ACTN2: variants seen among roughly 807,000 people sequenced by gnomAD.
The protein encoded by ACTN2 is alpha-actinin-2.
In ACTN2, 39 loss-of-function variants were observed where a neutral mutation model predicts 113.8. That is an observed-to-expected ratio of 0.34 (90% CI 0.27 to 0.45). The LOEUF is 0.45. Ranked by LOEUF, ACTN2 falls within the 20% of genes least tolerant of loss-of-function variation. ACTN2 has a pLI of 1.00. For synonymous variants in ACTN2, 429 were observed against 444.1 expected, an observed-to-expected ratio of 0.97 and a Z score of 0.43; for missense variants, 992 against 1,177.9, an observed-to-expected ratio of 0.84 and a Z score of 2.31.
chr1:236,697,514 C>G (rs2102865880), intron 1 of ACTN2, among the ~76,000 whole-genome samples: 1 of 152,292 alleles, frequency 6.6e-6, no homozygotes, highest in Middle Eastern at 3.4e-3. Context: ...CTAGAGGAAG[C>G]AATGTTGGGA....
intron 1 of ACTN2, among the ~76,000 whole-genome samples, chr1:236,700,565 T>C (rs1251169260): frequency 6.6e-6 from 1 of 152,134 alleles, no homozygotes; most frequent in Non-Finnish European, 1.5e-5. Flanking sequence ...CTGACCCTCA[T>C]CCCTATCAGG....
chr1:236,696,165 G>C (rs1322777901), intron 1 of ACTN2, among the ~76,000 whole-genome samples: 1 of 151,972 alleles, frequency 6.6e-6, no homozygotes, highest in African/African-American at 2.4e-5. Context: ...AAATTAGCCA[G>C]GTGTGGTGGT....
At chr1:236,755,286 C>A in intron 17 of ACTN2, 88 bp downstream of exon 17, 1 of 1,487,476 alleles carries the variant, frequency 6.7e-7, no homozygotes, top group Non-Finnish European at 9.4e-7. Context: ...ACTTGTCTTT[C>A]TTTGTTCCTG....
At chr1:236,759,667 T>C (rs1392818042) in intron 18 of ACTN2, 57 bp from the exon 19 acceptor site, 2 of 1,440,562 alleles carry the variant, frequency 1.4e-6, no homozygotes, top group Non-Finnish European at 2.0e-6. Context: ...GTTGGTCAAG[T>C]AGAGTTGCTC....
At chr1:236,728,617 G>GA (rs1658628395) in intron 6 of ACTN2, among the ~76,000 whole-genome samples, 1 of 134,336 alleles carries the variant, frequency 7.4e-6, no homozygotes, top group Non-Finnish European at 1.6e-5. Context: ...TGGGGCAGGC[G>GA]TTTTTTTTTA....
At chr1:236,725,873 G>T (rs1050312393) in intron 4 of ACTN2, 60 bp from the exon 5 acceptor site, 3 of 1,487,962 alleles carry the variant, frequency 2.0e-6, no homozygotes, top group African/African-American at 2.8e-5. Flanking sequence ...AAAGTGACTA[G>T]GAGCTAAGTG....
At chr1:236,742,710 T>C (rs1659108967) in intron 10 of ACTN2, among the ~76,000 whole-genome samples, 186 bp from the exon 11 acceptor site, 1 of 152,186 alleles carries the variant, frequency 6.6e-6, no homozygotes, top group African/African-American at 2.4e-5. Flanking sequence ...CAGTGAATTG[T>C]AATTAAGACA....
chr1:236,761,101 G>A lies in ACTN2; in HGVS notation c.2454G>A (p.Met818Ile), dbSNP rs1659693653. The A allele has an allele frequency of 6.8e-6, 11 of 1,614,112 alleles. No individual in the cohort carries two copies. The highest frequency in any genetic ancestry group is 9.3e-6 in the Non-Finnish European group (11 of 1,180,014). The change falls in exon 20 of 21, where the codon ATG (methionine) becomes ATA (isoleucine). Residue 818 changes from methionine (M) to isoleucine (I), a missense_variant. Physicochemically the swap from Met to Ile is conservative, Grantham distance 10 (BLOSUM62 1). Coordinates refer to ENST00000366578, the MANE Select transcript of ACTN2 (RefSeq NM_001103.4). ...TVTFQSFIDF[M>I]TRETADTDTA... is the part of the protein sequence containing the mutation. ...CCTTCCAATCCTTCATCGACTTCAT[G>A]ACTAGAGAGACGGCTGACACCGACA...
chr1:236,741,895 A>G (rs527504638), intron 10 of ACTN2, among the ~76,000 whole-genome samples: 2 of 152,140 alleles, frequency 1.3e-5, no homozygotes, highest in Non-Finnish European at 2.9e-5. Context: ...ATCCTGGCCT[A>G]TAAGGGCCTG....
intron 1 of ACTN2, among the ~76,000 whole-genome samples, chr1:236,695,414 G>GAA (rs58669150): frequency 4.9e-5 from 5 of 102,950 alleles, no homozygotes; most frequent in East Asian, 2.7e-4. Context: ...TGCTGTGTCT[G>GAA]AAAAAAAAAA....
At chr1:236,697,224 G>A (rs762604722) in intron 1 of ACTN2, among the ~76,000 whole-genome samples, 3 of 152,160 alleles carry the variant, frequency 2.0e-5, no homozygotes, top group Non-Finnish European at 4.4e-5. Flanking sequence ...TACTCAGGAG[G>A]CTGAGGCAGG....
In ACTN2 at chr1:236,735,626, C is replaced by T. The variant is rs1658847567; in HGVS notation, c.698-9C>T. On this transcript the variant is annotated splice_polypyrimidine_tract_variant and intron_variant, in intron 7 of 20. Transcript: ENST00000366578. ...TGCGCGCGTCCTGTGTTATTTTCTC[C>T]CCCTTCAGACATCGTGAACACCCCT... is the stretch of plus-strand genomic sequence containing the variant. The T allele has an allele frequency of 1.9e-6, 3 of 1,613,166 alleles. No individual in the cohort carries two copies. In the East Asian group the frequency reaches 6.7e-5, roughly 36 times the overall value.
intron 7 of ACTN2, chr1:236,734,355 A>T: frequency 9.8e-7 from 1 of 1,016,618 alleles, no homozygotes; most frequent in Non-Finnish European, 1.4e-6. Flanking sequence ...CCTGATTCCA[A>T]CACCTCTGAG....
Position 236,717,867 on chromosome 1 carries a change from G to A in ACTN2, c.136G>A (p.Ala46Thr). ...WEKQQRKTFT[A>T]WCNSHLRKAG... is the part of the protein sequence containing the mutation. ...TTGGTTTTCTTTGCAGACCTTCACTGCCTGGTGTAACTCCCACCTAAGGAA... is the reference window on the plus strand; with the variant it reads ...TTGGTTTTCTTTGCAGACCTTCACTACCTGGTGTAACTCCCACCTAAGGAA... Residue 46 changes from alanine to threonine, a missense_variant, in exon 2 of 21, where the codon GCC becomes ACC. Coordinates refer to ENST00000366578, the MANE Select transcript of ACTN2 (RefSeq NM_001103.4). 6.2e-7 allele frequency: 1 copy of A among 1,613,644 alleles called. No individual in the cohort carries two copies. The highest frequency in any genetic ancestry group is 8.5e-7 in the Non-Finnish European group (1 of 1,179,622).
intron 1 of ACTN2, among the ~76,000 whole-genome samples, chr1:236,698,549 CTG>C (rs1425830286): frequency 6.6e-6 from 1 of 152,132 alleles, no homozygotes; most frequent in Non-Finnish European, 1.5e-5. Flanking sequence ...GTTTTATAGA[CTG>C]TAATATTTCC....
chr1:236,753,861 A>T, intron 15 of ACTN2, 86 bp from the exon 16 acceptor site: 5 of 444,446 alleles, frequency 1.1e-5, no homozygotes, highest in Non-Finnish European at 2.0e-5. Flanking sequence ...TCCCACCCCC[A>T]CCCCTTGGAC....
intron 4 of ACTN2, among the ~76,000 whole-genome samples, chr1:236,725,120 A>G (rs1202374288): frequency 6.6e-6 from 1 of 152,200 alleles, no homozygotes; most frequent in Non-Finnish European, 1.5e-5. Context: ...TTAAGTGAAT[A>G]CAAAGGATCC....
In ACTN2 at chr1:236,744,642, G is replaced by T; in HGVS notation, c.1272G>T (p.Leu424Phe). 1 of 1,614,214 alleles carries T rather than the reference G, an allele frequency of 6.2e-7. No individual in the cohort carries two copies. The highest frequency in any genetic ancestry group is 8.5e-7 in the Non-Finnish European group (1 of 1,180,040). The stretch of plus-strand genomic sequence containing the variant: ...CCTTTGCAGGCAAAGAGCAGATCTT[G>T]CTGCAGAAGGATTACGAGTCGGCGT... ...ETWAYGKEQI[L>F]LQKDYESASL... The change falls in exon 12 of 21, where the codon TTG (leucine) becomes TTT (phenylalanine). Residue 424 changes from leucine to phenylalanine, a missense_variant. Leu to Phe is a conservative substitution (Grantham distance 22, BLOSUM62 0). Coordinates refer to ENST00000366578, the MANE Select transcript of ACTN2 (RefSeq NM_001103.4).
rs1659514333 is a variant in ACTN2 at position 236,755,103 on chromosome 1, A to G, written c.2059A>G (p.Asn687Asp). The change falls in exon 17 of 21, where the codon AAC becomes GAC. Residue 687 changes from asparagine to aspartate, a missense_variant. Asn to Asp is a conservative substitution (Grantham distance 23). This residue lies in a region of ACTN2 where 736 missense variants were observed against 815.4 expected (regional missense o/e 0.90). Transcript: ENST00000366578. ...QLKQYEHNIINYKNNIDKLEG... is the reference protein window; with the variant it reads ...QLKQYEHNIIDYKNNIDKLEG... ...GAAGCAGTATGAGCACAACATCATC[A>G]ACTATAAGAACAACATCGACAAGCT... 2 of 1,614,100 alleles carry G rather than the reference A, an allele frequency of 1.2e-6. No individual in the cohort carries two copies. The highest frequency in any genetic ancestry group is 1.7e-6 in the Non-Finnish European group (2 of 1,180,038).
Sources: gnomAD v4.1 joint callset for allele counts (sites outside exome capture counted in the v4.1 genomes callset) on GRCh38, gnomAD v4.1.1 for gene constraint, gnomAD v4.1.1 regional missense constraint, MANE v1.5 for transcripts, NCBI Gene and HGNC (gene_info 2026-07-23, HGNC 2026-07-21) for gene names.